Variants in AGPAT3 observed in about 807,000 individuals in gnomAD.
The protein encoded by AGPAT3 is 1-acylglycerol-3-phosphate O-acyltransferase 3.
Under a neutral mutation model 47.3 loss-of-function variants are expected in AGPAT3, and 5 were observed. That is an observed-to-expected ratio of 0.11 (90% CI 0.06 to 0.22). The LOEUF (loss-of-function observed/expected upper bound fraction) is 0.22. Ranked by LOEUF, AGPAT3 falls within the 10% of genes least tolerant of loss-of-function variation. The pLI is 1.00. For missense variants in AGPAT3, 315 were observed against 493.0 expected, an observed-to-expected ratio of 0.64 and a Z score of 3.42; for synonymous variants, 212 against 208.3, an observed-to-expected ratio of 1.02 and a Z score of -0.15.
At chr21:43,964,986 T>C in intron 3 of AGPAT3, 1 of 158,470 alleles carries the variant, frequency 6.3e-6, no homozygotes, top group African/African-American at 2.4e-5. Context: ...TGGAGTGCAG[T>C]GGTGTGATCT....
intron 1 of AGPAT3, among the ~76,000 whole-genome samples, chr21:43,895,170 T>C (rs1037908833): frequency 6.6e-6 from 1 of 151,964 alleles, no homozygotes; most frequent in Non-Finnish European, 1.5e-5. Flanking sequence ...AGTGGTGCGA[T>C]CTCGGCTCAC....
chr21:43,925,144 C>T (rs1301387999), intron 2 of AGPAT3: 1 of 152,202 alleles, frequency 6.6e-6, no homozygotes, highest in African/African-American at 2.4e-5. Flanking sequence ...AGGACTCTCT[C>T]CCCTCGCTGG....
chr21:43,936,724 G>A (rs1034657273), intron 2 of AGPAT3, among the ~76,000 whole-genome samples: 6 of 152,216 alleles, frequency 3.9e-5, no homozygotes, highest in Non-Finnish European at 8.8e-5. Context: ...GCAGCTCTTG[G>A]ATGGAGGCGC....
chr21:43,887,772 A>G (rs1354274226), intron 1 of AGPAT3, among the ~76,000 whole-genome samples: 1 of 152,184 alleles, frequency 6.6e-6, no homozygotes, highest in East Asian at 1.9e-4. Context: ...CTCCTGCCTC[A>G]GCCTCCCAAG....
intron 7 of AGPAT3, 68 bp from the exon 8 acceptor site, chr21:43,977,978 C>T: frequency 3.0e-6 from 4 of 1,318,448 alleles, no homozygotes; most frequent in East Asian, 2.4e-5. Context: ...ACATGTTCCC[C>T]TGTGCCCTCT....
At chr21:43,889,561 C>T (rs576336869) in intron 1 of AGPAT3, among the ~76,000 whole-genome samples, 3 of 152,228 alleles carry the variant, frequency 2.0e-5, no homozygotes, top group East Asian at 1.9e-4. Flanking sequence ...GGTTCCGTTC[C>T]GGACTTCGGC....
rs973899890 is a variant in AGPAT3, at chr21:43,982,445, C to G, written c.*53C>G. On this transcript the variant is annotated 3_prime_UTR_variant, in exon 10 of 10. Coordinates refer to ENST00000291572, the MANE Select transcript of AGPAT3 (RefSeq NM_020132.5). The surrounding 1 kb of genome is among the most constrained non-coding windows in gnomAD (Gnocchi z 6.2). The stretch of plus-strand genomic sequence containing the variant: ...CCCTGACGGTGGTATCCAGTTAACT[C>G]AAAACCAACACACAGAGTGCAGGAA... 5.4e-6 allele frequency: 7 copies of G among 1,300,546 alleles called. No homozygotes were observed. The highest frequency in any genetic ancestry group is 4.4e-5 in the African/African-American group (3 of 68,044). The allele number at this position is 1,300,546 out of a possible 1,614,324, so 80.6% of individuals were successfully genotyped here.
chr21:43,952,198 C>T lies in AGPAT3; in HGVS notation c.-48-7436C>T, dbSNP rs189945898. 5.5e-4 allele frequency among the ~76,000 whole-genome samples: 83 copies of T among 152,212 alleles called. 2 individuals are homozygous for T. The Middle Eastern group carries it at 0.02, about 37-fold the overall frequency. ...CTGCAGGCTTTTGTCGTCCTGTGGT[C>T]CTGGAGGCTGCAGGTCCAAGGTCAA... On this transcript the variant is annotated intron_variant, in intron 2 of 9. Transcript: ENST00000291572. The surrounding 1 kb of genome is among the most constrained non-coding windows in gnomAD (Gnocchi z 5.6).
At chr21:43,879,951 T>C (rs2085820055) in intron 1 of AGPAT3, among the ~76,000 whole-genome samples, 1 of 152,188 alleles carries the variant, frequency 6.6e-6, no homozygotes, top group Non-Finnish European at 1.5e-5. Context: ...TGTGGGCCTC[T>C]CCCTATGCTC....
intron 3 of AGPAT3, 160 bp from the exon 4 acceptor site, chr21:43,967,786 T>C: frequency 1.4e-6 from 1 of 692,842 alleles, no homozygotes; most frequent in African/African-American, 1.8e-5. Flanking sequence ...AGAAAGTTAT[T>C]GTAATTTCAT....
At position 43,930,255 on chromosome 21, in the gene AGPAT3, C is replaced by T. The variant is rs868017460; in HGVS notation, c.-49+26236C>T. On this transcript the variant is annotated intron_variant, in intron 2 of 9. Transcript: ENST00000291572. The surrounding 1 kb of genome is among the most constrained non-coding windows in gnomAD (Gnocchi z 5.0). The stretch of plus-strand genomic sequence containing the variant: ...GAGGTCTCAGGGCAGAGACGCCGCA[C>T]GGTGGGGTAGGGGGCTCTGGTGCCA... 6.6e-6 allele frequency among the ~76,000 whole-genome samples: 1 copy of T among 152,280 alleles called. No homozygotes were observed. Among genetic ancestry groups the T allele is most frequent in the East Asian group, 1.9e-4 (1 of 5,178 alleles).
chr21:43,937,554 G>GT (rs764182859), intron 2 of AGPAT3, among the ~76,000 whole-genome samples: 7 of 152,012 alleles, frequency 4.6e-5, no homozygotes, highest in South Asian at 2.1e-4. Flanking sequence ...GGAAAAGGGA[G>GT]TTTTTTTTGT....
intron 2 of AGPAT3, among the ~76,000 whole-genome samples, chr21:43,936,751 T>C (rs1369053041): frequency 2.0e-5 from 3 of 152,214 alleles, no homozygotes; most frequent in African/African-American, 7.2e-5. Context: ...CTAGTGCTTC[T>C]GAGTGGAGCC....
intron 1 of AGPAT3, among the ~76,000 whole-genome samples, chr21:43,895,603 T>A (rs561850154): frequency 0.031 from 4,635 of 151,206 alleles, 225 homozygotes; most frequent in African/African-American, 0.11. Flanking sequence ...TAAAAAAAAA[T>A]TTTTTTTTGA....
chr21:43,886,013 G>A (rs988083099), intron 1 of AGPAT3, among the ~76,000 whole-genome samples: 7 of 152,220 alleles, frequency 4.6e-5, no homozygotes, highest in Admixed American at 2.6e-4. Context: ...TTGCAAAGCC[G>A]GGGCAGCGAC....
chr21:43,866,278 G>T (rs1436254080), intron 1 of AGPAT3, among the ~76,000 whole-genome samples: 1 of 151,826 alleles, frequency 6.6e-6, no homozygotes, highest in Non-Finnish European at 1.5e-5. Context: ...TGGGAAACAT[G>T]ATCTTAGTAG....
intron 3 of AGPAT3, among the ~76,000 whole-genome samples, chr21:43,962,463 T>C (rs1031818329): frequency 6.6e-6 from 1 of 152,158 alleles, no homozygotes. Flanking sequence ...AAAACTAAAT[T>C]ACAGACTCCT....
intron 2 of AGPAT3, among the ~76,000 whole-genome samples, chr21:43,949,432 A>G (rs1242121938): frequency 6.6e-6 from 1 of 152,162 alleles, no homozygotes; most frequent in Admixed American, 6.5e-5. Flanking sequence ...ATGTGGGACC[A>G]CCTTCTGTCA....
Position 43,960,888 on chromosome 21 carries a change from C to G in AGPAT3, c.178+1029C>G, listed in dbSNP as rs941969452. 3 of 521,314 alleles carry G rather than the reference C, an allele frequency of 5.8e-6. No individual in the cohort carries two copies. In the African/African-American group the frequency reaches 6.2e-5, roughly 11 times the overall value. 32.3% of individuals were successfully genotyped at this position (521,314 alleles called of 1,614,324 possible). A position where few individuals can be genotyped will look rare whatever the true frequency, so the allele number is the denominator to read the frequency against. On this transcript the variant is annotated intron_variant, in intron 3 of 9. Coordinates refer to ENST00000291572, the MANE Select transcript of AGPAT3 (RefSeq NM_020132.5). ...GGGCATGGTGGCTCATGCCTGTAAT[C>G]CCAGCACTTTGAGAGGCTGAGGCAG...
Sources: allele counts gnomAD v4.1 joint callset (sites outside exome capture counted in the v4.1 genomes callset), GRCh38; gene constraint gnomAD v4.1.1; non-coding constraint Gnocchi (gnomAD v3.1); transcripts MANE v1.5; gene names NCBI Gene and HGNC (gene_info 2026-07-23, HGNC 2026-07-21).